The following LHFPL2 variants were observed in gnomAD, a reference collection of about 807,000 sequenced individuals.
LHFPL2 encodes LHFPL tetraspan subfamily member 2 protein.
Under a neutral mutation model 17.5 loss-of-function variants are expected in LHFPL2, and 7 were observed. The observed-to-expected ratio is 0.40, with a 90% CI of 0.23 to 0.75. The LOEUF (loss-of-function observed/expected upper bound fraction) is 0.75. Ranked by LOEUF, LHFPL2 falls within the 30% of genes least tolerant of loss-of-function variation. The pLI is 0.37. For synonymous variants in LHFPL2, 134 were observed against 116.2 expected, an observed-to-expected ratio of 1.15 and a Z score of -0.99; for missense variants, 241 against 294.8, an observed-to-expected ratio of 0.82 and a Z score of 1.34.
intron 4 of LHFPL2, among the ~76,000 whole-genome samples, chr5:78,500,035 A>G (rs1343957120): frequency 4.5e-5 from 3 of 67,386 alleles, no homozygotes; most frequent in Admixed American, 1.1e-4. Flanking sequence ...AAAAAAAAAA[A>G]AAGGCAGTAT....
At chr5:78,497,939 A>G (rs1754656916) in intron 4 of LHFPL2, among the ~76,000 whole-genome samples, 1 of 152,248 alleles carries the variant, frequency 6.6e-6, no homozygotes, top group African/African-American at 2.4e-5. Context: ...AATTGTTTCC[A>G]GCTTGGCCTG....
At chr5:78,492,574 C>T (rs1754480561) in intron 4 of LHFPL2, among the ~76,000 whole-genome samples, 2 of 152,224 alleles carry the variant, frequency 1.3e-5, no homozygotes, top group South Asian at 2.1e-4. Context: ...CCCTGAGGCG[C>T]TCCCTTTTCT....
chr5:78,489,581 A>AGAGAT (rs1190003346), intron 4 of LHFPL2, among the ~76,000 whole-genome samples: 4 of 152,086 alleles, frequency 2.6e-5, no homozygotes, highest in Non-Finnish European at 5.9e-5. Context: ...GTTTTTAAGT[A>AGAGAT]GAGATGAGGT....
At chr5:78,490,745 T>TAAAAAAA (rs1754413278) in intron 4 of LHFPL2, among the ~76,000 whole-genome samples, 1 of 13,788 alleles carries the variant, frequency 7.3e-5, no homozygotes, top group African/African-American at 4.4e-4. Flanking sequence ...AGACTCCCTC[T>TAAAAAAA]CAAAAAAAAA....
At chr5:78,611,799 AG>A (rs1318428260) in intron 2 of LHFPL2, among the ~76,000 whole-genome samples, 1 of 152,230 alleles carries the variant, frequency 6.6e-6, no homozygotes, top group African/African-American at 2.4e-5. Flanking sequence ...CAGATCATGT[AG>A]GAGCACAAAC....
At position 78,648,091 on chromosome 5, in the gene LHFPL2, G is replaced by A. The variant is rs891319200; in HGVS notation, c.-350+408C>T. Among the ~76,000 whole-genome samples, 18 of 152,284 alleles carry A rather than the reference G, an allele frequency of 1.2e-4. No individual in the cohort carries two copies. The highest frequency in any genetic ancestry group is 4.1e-4 in the African/African-American group (17 of 41,570). On this transcript the variant is annotated intron_variant, in intron 1 of 4. Transcript: ENST00000380345. The surrounding 1 kb of genome is among the most constrained non-coding windows in gnomAD (Gnocchi z 5.4). Reference sequence around the variant, plus strand: ...AGGGGCGACCACGGGGCGGCCCCCAGGGAGCGGTGCCAGGCGCGCTGGAAC... The same window carrying A: ...AGGGGCGACCACGGGGCGGCCCCCAAGGAGCGGTGCCAGGCGCGCTGGAAC...
At chr5:78,584,279 A>G (rs1359554869) in intron 2 of LHFPL2, among the ~76,000 whole-genome samples, 3 of 152,330 alleles carry the variant, frequency 2.0e-5, no homozygotes, top group African/African-American at 7.2e-5. Flanking sequence ...TTCTTCTCTC[A>G]GCTCGTCAAA....
At chr5:78,510,636 G>A (rs11744497) in intron 3 of LHFPL2, among the ~76,000 whole-genome samples, 55,988 of 152,218 alleles carry the variant, frequency 0.37, 12,315 homozygotes, top group Non-Finnish European at 0.5. Flanking sequence ...ACCATGGAAG[G>A]AGGCGGCCAG....
At chr5:78,524,552 G>A (rs1323888657) in intron 3 of LHFPL2, among the ~76,000 whole-genome samples, 1 of 152,070 alleles carries the variant, frequency 6.6e-6, no homozygotes, top group Non-Finnish European at 1.5e-5. Flanking sequence ...GATCAGCCTG[G>A]ACAAAATGGT....
chr5:78,490,241 C>G (rs1462722913), intron 4 of LHFPL2, among the ~76,000 whole-genome samples: 4 of 152,142 alleles, frequency 2.6e-5, no homozygotes, highest in Non-Finnish European at 5.9e-5. Context: ...AGTTATTTTT[C>G]CTGCCTAGTC....
Position 78,510,534 on chromosome 5 carries a change from C to A in LHFPL2, c.-185-136G>T, listed in dbSNP as rs2288390. On this transcript the variant is annotated intron_variant, in intron 3 of 4. Coordinates refer to ENST00000380345, the MANE Select transcript of LHFPL2 (RefSeq NM_005779.3). Reference sequence around the variant, plus strand: ...CCCCGGGCCTGGCTAGCATGCCAGGCGGTTGTTGCACTGGCTGCGTTTGTT... The same window carrying A: ...CCCCGGGCCTGGCTAGCATGCCAGGAGGTTGTTGCACTGGCTGCGTTTGTT... The A allele has an allele frequency of 5.0e-4, 170 of 339,360 alleles. 1 individual carries two copies. The highest frequency in any genetic ancestry group is 1.5e-3 in the South Asian group (30 of 20,362). 21.0% of individuals were successfully genotyped at this position (339,360 alleles called of 1,614,324 possible). A position where few individuals can be genotyped will look rare whatever the true frequency, so the allele number is the denominator to read the frequency against.
intron 3 of LHFPL2, among the ~76,000 whole-genome samples, chr5:78,560,701 G>C (rs1296941883): frequency 1.3e-5 from 2 of 151,180 alleles, no homozygotes; most frequent in African/African-American, 2.4e-5. Context: ...TAACTTGTTT[G>C]CTATGCATTT....
chr5:78,552,068 C>T (rs536573644), intron 3 of LHFPL2, among the ~76,000 whole-genome samples: 33 of 152,062 alleles, frequency 2.2e-4, no homozygotes, highest in African/African-American at 7.5e-4. Context: ...TGAAGGCACT[C>T]GTGTATACGT....
At chr5:78,515,866 T>C (rs907309616) in intron 3 of LHFPL2, among the ~76,000 whole-genome samples, 6 of 152,254 alleles carry the variant, frequency 3.9e-5, no homozygotes, top group Admixed American at 2.0e-4. Flanking sequence ...GTGGCCTGGC[T>C]CAGTCAGGAC....
At chr5:78,627,656 A>C (rs1745096688) in intron 2 of LHFPL2, among the ~76,000 whole-genome samples, 1 of 152,200 alleles carries the variant, frequency 6.6e-6, no homozygotes, top group Admixed American at 6.5e-5. Flanking sequence ...CCCTCTCTGC[A>C]AACATGAACA....
chr5:78,561,662 C>G (rs1756731104), intron 3 of LHFPL2, among the ~76,000 whole-genome samples: 1 of 152,184 alleles, frequency 6.6e-6, no homozygotes, highest in African/African-American at 2.4e-5. Context: ...CTCGGCTTCC[C>G]TTCTTATGTC....
chr5:78,519,257 G>T (rs1349152360), intron 3 of LHFPL2, among the ~76,000 whole-genome samples: 1 of 152,190 alleles, frequency 6.6e-6, no homozygotes, highest in African/African-American at 2.4e-5. Context: ...TCCCTGGGGT[G>T]CTGACAGATA....
rs1745963283 is a variant in LHFPL2 at position 78,648,322 on chromosome 5, C to T, written c.-350+177G>A. Reference sequence around the variant, plus strand: ...ACGCCCATCCCGCAGCACCTCCGACCGCTCGGCGCGGTCTCCCAGGGCGCC... The same window carrying T: ...ACGCCCATCCCGCAGCACCTCCGACTGCTCGGCGCGGTCTCCCAGGGCGCC... On this transcript the variant is annotated intron_variant, in intron 1 of 4. Transcript: ENST00000380345. The surrounding 1 kb of genome is among the most constrained non-coding windows in gnomAD (Gnocchi z 5.4). 6.6e-6 allele frequency among the ~76,000 whole-genome samples: 1 copy of T among 152,038 alleles called. No homozygotes were observed. Among genetic ancestry groups the T allele is most frequent in the Non-Finnish European group, 1.5e-5 (1 of 67,966 alleles).
chr5:78,542,344 C>T (rs1480732435), intron 3 of LHFPL2, among the ~76,000 whole-genome samples: 1 of 152,202 alleles, frequency 6.6e-6, no homozygotes, highest in African/African-American at 2.4e-5. Context: ...AGAGCTGCCA[C>T]ATCCAAGCGC....
Sources: allele counts gnomAD v4.1 joint callset (sites outside exome capture counted in the v4.1 genomes callset), GRCh38; gene constraint gnomAD v4.1.1; non-coding constraint Gnocchi (gnomAD v3.1); transcripts MANE v1.5; gene names NCBI Gene and HGNC (gene_info 2026-07-23, HGNC 2026-07-21).